The following SMYD2 variants were observed in gnomAD, a reference collection of about 807,000 sequenced individuals.
SMYD2 encodes the protein SET and MYND domain containing 2, also known as N-lysine methyltransferase SMYD2.
A neutral mutation model predicts 59.1 loss-of-function variants in SMYD2; 53 were observed. The observed-to-expected ratio is 0.90, with a 90% CI of 0.72 to 1.13. SMYD2 has a LOEUF of 1.13. Ranked by LOEUF, SMYD2 falls within the 50% of genes most tolerant of loss-of-function variation. The pLI is 0.00. For missense variants in SMYD2, 494 were observed against 544.7 expected (o/e 0.91, Z 0.93); for synonymous variants, 208 against 198.8 (o/e 1.05, Z -0.39).
chr1:214,311,950 C>A (rs954619599), intron 2 of SMYD2, among the ~76,000 whole-genome samples: 3 of 152,114 alleles, frequency 2.0e-5, no homozygotes, highest in African/African-American at 7.2e-5. Context: ...CATATCCTCT[C>A]AGGTATCCCG....
Position 214,281,179 on chromosome 1 carries a change from A to C in SMYD2, c.-76A>C. ...CTCCCACCCCGCCCCCCGCAGCTCT[A>C]GGTGACGCGTCTCCAATAACAGCTC... On this transcript the variant is annotated 5_prime_UTR_variant, in exon 1 of 12. Coordinates refer to ENST00000366957, the MANE Select transcript of SMYD2 (RefSeq NM_020197.3). 9.5e-7 allele frequency: 1 copy of C among 1,047,930 alleles called. No individual in the cohort carries two copies. Among genetic ancestry groups the C allele is most frequent in the Non-Finnish European group, 1.2e-6 (1 of 830,074 alleles). The allele number at this position is 1,047,930 out of a possible 1,614,324, so 64.9% of individuals were successfully genotyped here.
At chr1:214,322,851 G>A (rs6691083) in intron 5 of SMYD2, among the ~76,000 whole-genome samples, 134,543 of 152,244 alleles carry the variant, frequency 0.88, 60,028 homozygotes, top group African/African-American at 0.97. Context: ...GTGATATTGC[G>A]GATTTATGGG....
chr1:214,318,749 T>TG lies in SMYD2; in HGVS notation c.410-110_410-109insG. 1 of 590,084 alleles carries TG rather than the reference T, an allele frequency of 1.7e-6. No individual in the cohort carries two copies. The highest frequency in any genetic ancestry group is 2.3e-6 in the Non-Finnish European group (1 of 430,586). 36.6% of individuals were successfully genotyped at this position (590,084 alleles called of 1,614,324 possible). A position where few individuals can be genotyped will look rare whatever the true frequency, so the allele number is the denominator to read the frequency against. On this transcript the variant is annotated intron_variant, in intron 4 of 11. Transcript: ENST00000366957. This position sits in a 1 kb window ranked among gnomAD's most constrained non-coding sequence, Gnocchi z 5.4. ...GGGGGTTCAACATGTTAGTTTTGGGTTTTTTTTTTTTCGCCCGTTCCTTTC... is the reference window on the plus strand; with the variant it reads ...GGGGGTTCAACATGTTAGTTTTGGGTGTTTTTTTTTTTCGCCCGTTCCTTTC...
chr1:214,293,542 T>C (rs894626656), intron 1 of SMYD2, among the ~76,000 whole-genome samples: 7 of 152,212 alleles, frequency 4.6e-5, no homozygotes, highest in African/African-American at 1.7e-4. Context: ...TTCCCTAACT[T>C]CTGTATCTTC....
intron 9 of SMYD2, 117 bp downstream of exon 9, chr1:214,331,187 A>G: frequency 2.1e-6 from 3 of 1,458,246 alleles, no homozygotes; most frequent in South Asian, 2.6e-5. Context: ...CAAAGGAGGA[A>G]TGTCTCCTAG....
At chr1:214,327,255 G>A (rs1463194181) in intron 6 of SMYD2, among the ~76,000 whole-genome samples, 1 of 152,228 alleles carries the variant, frequency 6.6e-6, no homozygotes, top group Non-Finnish European at 1.5e-5. Flanking sequence ...AAGCGACAAC[G>A]CACCTGTGTT....
At chr1:214,322,236 T>C (rs1657183446) in intron 5 of SMYD2, among the ~76,000 whole-genome samples, 1 of 152,234 alleles carries the variant, frequency 6.6e-6, no homozygotes, top group East Asian at 1.9e-4. Flanking sequence ...TCTGAGATGA[T>C]ACATAGATCA....
At chr1:214,307,174 A>T (rs1450555461) in intron 2 of SMYD2, among the ~76,000 whole-genome samples, 1 of 152,236 alleles carries the variant, frequency 6.6e-6, no homozygotes, top group Non-Finnish European at 1.5e-5. Context: ...ATTCTGTCTC[A>T]AAAGAAAGAA....
intron 2 of SMYD2, among the ~76,000 whole-genome samples, chr1:214,313,061 A>C (rs990551182): frequency 6.6e-6 from 1 of 152,162 alleles, no homozygotes; most frequent in Non-Finnish European, 1.5e-5. Context: ...AACTGACTGA[A>C]TGTGGAGTGT....
intron 5 of SMYD2, among the ~76,000 whole-genome samples, chr1:214,322,520 G>A (rs1370688652): frequency 6.6e-6 from 1 of 152,098 alleles, no homozygotes. Flanking sequence ...TCTGCTTTTT[G>A]TGTTGAATTG....
At chr1:214,308,468 C>G (rs1350173972) in intron 2 of SMYD2, among the ~76,000 whole-genome samples, 2 of 152,068 alleles carry the variant, frequency 1.3e-5, no homozygotes, top group Non-Finnish European at 2.9e-5. Flanking sequence ...GGCATTTGCT[C>G]CAGATATAAA....
chr1:214,303,340 G>A (rs150790181), intron 1 of SMYD2, among the ~76,000 whole-genome samples: 17 of 152,222 alleles, frequency 1.1e-4, no homozygotes, highest in Non-Finnish European at 2.4e-4. Context: ...GCTTGCTGAC[G>A]AGTCACTTCA....
chr1:214,324,578 T>A (rs768640075), intron 5 of SMYD2, 63 bp from the exon 6 acceptor site: 25 of 1,397,620 alleles, frequency 1.8e-5, no homozygotes, highest in Non-Finnish European at 2.5e-5. Context: ...TTTAAAAAAA[T>A]GATCTCTACC....
chr1:214,325,498 G>A (rs11120296), intron 6 of SMYD2, among the ~76,000 whole-genome samples: 1 of 152,288 alleles, frequency 6.6e-6, no homozygotes, highest in East Asian at 1.9e-4. Context: ...TATACTGCAG[G>A]GGCCTTTGCC....
At chr1:214,286,766 A>AT (rs1358515473) in intron 1 of SMYD2, among the ~76,000 whole-genome samples, 30 of 151,530 alleles carry the variant, frequency 2.0e-4, no homozygotes, top group African/African-American at 7.3e-4. Flanking sequence ...AAAAAAAAAA[A>AT]AAAGCGTATG....
At chr1:214,281,775 C>T (rs1158629649) in intron 1 of SMYD2, among the ~76,000 whole-genome samples, 1 of 152,256 alleles carries the variant, frequency 6.6e-6, no homozygotes, top group Non-Finnish European at 1.5e-5. Context: ...ACTGCCCTCC[C>T]GGTGCATTGG....
Position 214,309,143 on chromosome 1 carries a change from T to C in SMYD2, c.237+3893T>C, listed in dbSNP as rs116125197. On this transcript the variant is annotated intron_variant, in intron 2 of 11. Transcript: ENST00000366957. Reference sequence around the variant, plus strand: ...GGATTTTGCTTTATTTGATACAATTTGGTTCTATCTTGTCCCGTTACTTTC... The same window carrying C: ...GGATTTTGCTTTATTTGATACAATTCGGTTCTATCTTGTCCCGTTACTTTC... 7.3e-3 allele frequency among the ~76,000 whole-genome samples: 1,107 copies of C among 152,342 alleles called. 20 individuals carry two copies. The highest frequency in any genetic ancestry group is 0.025 in the African/African-American group (1,046 of 41,572).
In SMYD2 at chr1:214,324,865, T is replaced by C. The variant is rs536190121; in HGVS notation, c.602+157T>C. Among the ~76,000 whole-genome samples the C allele has an allele frequency of 9.4e-4, 143 of 152,350 alleles. 1 individual carries two copies. The highest frequency in any genetic ancestry group is 6.8e-3 in the Middle Eastern group (2 of 294). ...TTAATCTGCCAGATTTCAAAATATT[T>C]CCCCTACACTTAAGGATCCAAAGGT... is the stretch of plus-strand genomic sequence containing the variant. On this transcript the variant is annotated intron_variant, in intron 6 of 11. Transcript: ENST00000366957.
chr1:214,302,083 T>G (rs1307034735), intron 1 of SMYD2, among the ~76,000 whole-genome samples: 4 of 152,182 alleles, frequency 2.6e-5, no homozygotes, highest in Non-Finnish European at 5.9e-5. Context: ...ATCTCACGTC[T>G]GTAATCCCAG....
Sources: allele counts gnomAD v4.1 joint callset (sites outside exome capture counted in the v4.1 genomes callset), GRCh38; gene constraint gnomAD v4.1.1; non-coding constraint Gnocchi (gnomAD v3.1); transcripts MANE v1.5; gene names NCBI Gene and HGNC (gene_info 2026-07-23, HGNC 2026-07-21).